The following NAALADL2 variants were observed in gnomAD, a reference collection of about 807,000 sequenced individuals.
The protein encoded by NAALADL2 is N-acetylated alpha-linked acidic dipeptidase like 2, also known as inactive N-acetylated-alpha-linked acidic dipeptidase-like protein 2.
NAALADL2 carries 76 observed loss-of-function variants against 87.2 expected under a neutral mutation model. The ratio of observed to expected loss-of-function variants is 0.87; its 90% CI spans 0.72 to 1.05. NAALADL2 has a LOEUF of 1.05. NAALADL2 is among the 50% of genes least tolerant of loss of function. The pLI is 0.00. For missense variants in NAALADL2, 1,089 were observed against 945.8 expected (o/e 1.15, Z -1.99); for synonymous variants, 354 against 331.0 (o/e 1.07, Z -0.75).
chr3:175,223,871 A>G (rs1743774590), intron 2 of NAALADL2, among the ~76,000 whole-genome samples: 1 of 152,186 alleles, frequency 6.6e-6, no homozygotes, highest in Non-Finnish European at 1.5e-5. Context: ...TTACATTTGT[A>G]AATGTCTGGA....
chr3:174,610,617 T>C (rs913158252), intron 2 of NAALADL2, among the ~76,000 whole-genome samples: 22 of 152,050 alleles, frequency 1.4e-4, no homozygotes, highest in Non-Finnish European at 2.5e-4. Context: ...CACAATGAGA[T>C]ACCATCTCAC....
At position 174,930,614 on chromosome 3, in the gene NAALADL2, C is replaced by CTTTTTTTTTTTTTTT. The variant is rs760690405; in HGVS notation, c.43+71175_43+71189dup. Among the ~76,000 whole-genome samples, 39 of 66,816 alleles carry CTTTTTTTTTTTTTTT rather than the reference C, an allele frequency of 5.8e-4. 4 individuals are homozygous for CTTTTTTTTTTTTTTT. The highest frequency in any genetic ancestry group is 1.6e-3 in the African/African-American group (25 of 15,784). 43.8% of individuals were successfully genotyped at this position (66,816 alleles called of 152,430 possible). On this transcript the variant is annotated intron_variant, in intron 1 of 13. Transcript: ENST00000454872. The stretch of plus-strand genomic sequence containing the variant: ...TTGCAAGTCCTTTAAATAAGATGAA[C>CTTTTTTTTTTTTTTT]TTTTTTTTTTTTTTTTTTTTTTTTT...
intron 11 of NAALADL2, among the ~76,000 whole-genome samples, chr3:175,644,500 C>T (rs1280708602): frequency 2.0e-5 from 3 of 151,952 alleles, no homozygotes; most frequent in East Asian, 3.9e-4. Flanking sequence ...TTGAGATTTC[C>T]ATTCTTTCTC....
At chr3:174,843,931 T>C (rs1172265403) in intron 3 of NAALADL2, among the ~76,000 whole-genome samples, 1 of 152,224 alleles carries the variant, frequency 6.6e-6, no homozygotes, top group Non-Finnish European at 1.5e-5. Flanking sequence ...ATTAACATTA[T>C]GTCAGATGGG....
At chr3:174,476,518 A>C (rs1717225259) in intron 1 of NAALADL2, among the ~76,000 whole-genome samples, 1 of 151,836 alleles carries the variant, frequency 6.6e-6, no homozygotes, top group African/African-American at 2.4e-5. Flanking sequence ...AAATTTTTTC[A>C]ATGCTTATTC....
intron 1 of NAALADL2, among the ~76,000 whole-genome samples, chr3:174,881,313 A>C (rs1286930700): frequency 6.6e-6 from 1 of 152,078 alleles, no homozygotes; most frequent in Non-Finnish European, 1.5e-5. Context: ...AAGTTACTCA[A>C]AATCTTTGGG....
intron 3 of NAALADL2, among the ~76,000 whole-genome samples, chr3:174,843,511 A>G (rs1724253824): frequency 6.6e-6 from 1 of 152,122 alleles, no homozygotes; most frequent in African/African-American, 2.4e-5. Flanking sequence ...GGGAGTTAAG[A>G]CATCTTTTCA....
chr3:174,937,313 A>G (rs185545771), intron 1 of NAALADL2, among the ~76,000 whole-genome samples: 10 of 152,152 alleles, frequency 6.6e-5, no homozygotes, highest in Non-Finnish European at 1.2e-4. Flanking sequence ...TAACAATGAA[A>G]CAGTACCATA....
chr3:175,029,900 T>C (rs1252579953), intron 1 of NAALADL2, among the ~76,000 whole-genome samples: 6 of 152,096 alleles, frequency 3.9e-5, no homozygotes, highest in African/African-American at 1.2e-4. Flanking sequence ...TAAATACTTA[T>C]TTTTTATAAA....
At chr3:174,475,256 T>G (rs998335322) in intron 1 of NAALADL2, among the ~76,000 whole-genome samples, 2 of 151,774 alleles carry the variant, frequency 1.3e-5, no homozygotes, top group African/African-American at 4.8e-5. Flanking sequence ...AAAGATGAAC[T>G]GACTTGATTA....
At chr3:175,332,252 C>T (rs1014688827) in intron 5 of NAALADL2, among the ~76,000 whole-genome samples, 7 of 152,080 alleles carry the variant, frequency 4.6e-5, no homozygotes, top group Non-Finnish European at 8.8e-5. Flanking sequence ...CATAAAAGAG[C>T]CCAAACAGCC....
At chr3:175,616,675 C>T (rs1221733021) in intron 10 of NAALADL2, among the ~76,000 whole-genome samples, 1 of 152,102 alleles carries the variant, frequency 6.6e-6, no homozygotes, top group African/African-American at 2.4e-5. Context: ...ACCTGCTCAA[C>T]CCAGCAGGCT....
At chr3:174,856,753 C>A (rs1003435834), upstream of NAALADL2, among the ~76,000 whole-genome samples, 1 of 152,110 alleles carries the variant, frequency 6.6e-6, no homozygotes, top group Non-Finnish European at 1.5e-5. Context: ...TTTCCAAGAT[C>A]TACTGTAAGA....
At chr3:175,471,995 G>A (rs1282232282) in intron 9 of NAALADL2, among the ~76,000 whole-genome samples, 3 of 151,906 alleles carry the variant, frequency 2.0e-5, no homozygotes, top group Non-Finnish European at 4.4e-5. Flanking sequence ...GAGTCACACA[G>A]TTATAGAGAA....
intron 1 of NAALADL2, among the ~76,000 whole-genome samples, chr3:174,960,841 T>C (rs1050309456): frequency 6.6e-6 from 1 of 151,794 alleles, no homozygotes; most frequent in African/African-American, 2.4e-5. Flanking sequence ...GGTTACCATG[T>C]GTTTCAGTTT....
At chr3:175,501,815 T>A (rs1460612943) in intron 9 of NAALADL2, among the ~76,000 whole-genome samples, 1 of 152,048 alleles carries the variant, frequency 6.6e-6, no homozygotes, top group African/African-American at 2.4e-5. Context: ...ATATAAAAAA[T>A]TAAGACTCAA....
At chr3:174,805,577 T>A (rs1171547981) in intron 3 of NAALADL2, among the ~76,000 whole-genome samples, 2 of 152,174 alleles carry the variant, frequency 1.3e-5, no homozygotes, top group Non-Finnish European at 2.9e-5. Context: ...GGAATTAATA[T>A]AGATTAGCTT....
At chr3:175,443,826 T>C (rs1720221401) in intron 5 of NAALADL2, among the ~76,000 whole-genome samples, 1 of 141,662 alleles carries the variant, frequency 7.1e-6, no homozygotes, top group South Asian at 2.4e-4. Context: ...TACATAGTGA[T>C]AATGTTAACT....
chr3:174,468,608 T>C (rs1716685030), intron 1 of NAALADL2, among the ~76,000 whole-genome samples: 1 of 151,806 alleles, frequency 6.6e-6, no homozygotes. Context: ...CTCGAACTCC[T>C]GACCTCAGGT....
Sources: allele counts gnomAD v4.1 joint callset (sites outside exome capture counted in the v4.1 genomes callset), GRCh38; gene constraint gnomAD v4.1.1; transcripts MANE v1.5; gene names NCBI Gene and HGNC (gene_info 2026-07-23, HGNC 2026-07-21).